Variants in SMYD3 observed in about 807,000 individuals in gnomAD.
SMYD3 encodes the protein histone-lysine N-methyltransferase SMYD3.
SMYD3 carries 36 observed loss-of-function variants against 57.7 expected under a neutral mutation model. That is an observed-to-expected ratio of 0.62 (90% CI 0.48 to 0.82). The LOEUF (loss-of-function observed/expected upper bound fraction) is 0.82, where lower values mean the gene tolerates loss of function less well. Among genes scored for constraint, SMYD3 ranks in the 40% least tolerant of loss-of-function variants. SMYD3 has a pLI of 0.00. For synonymous variants in SMYD3, 211 were observed against 195.0 expected, an observed-to-expected ratio of 1.08 and a Z score of -0.68; for missense variants, 515 against 538.8, an observed-to-expected ratio of 0.96 and a Z score of 0.44.
intron 3 of SMYD3, among the ~76,000 whole-genome samples, chr1:246,331,054 G>T (rs532835983): frequency 6.6e-6 from 1 of 152,300 alleles, no homozygotes; most frequent in East Asian, 1.9e-4. Context: ...AGAATCACTT[G>T]AGCCCAGCAG....
chr1:246,372,550 T>C (rs1052401393), intron 1 of SMYD3, among the ~76,000 whole-genome samples: 6 of 152,306 alleles, frequency 3.9e-5, no homozygotes, highest in African/African-American at 9.6e-5. Flanking sequence ...AGATTTTGCA[T>C]AGAGTAGGTA....
At chr1:246,300,411 T>C (rs1392310335) in intron 5 of SMYD3, among the ~76,000 whole-genome samples, 4 of 152,180 alleles carry the variant, frequency 2.6e-5, no homozygotes, top group African/African-American at 9.6e-5. Flanking sequence ...AGTCTGCTGT[T>C]GTTATTACCA....
At chr1:246,141,588 T>C (rs2061756372) in intron 5 of SMYD3, among the ~76,000 whole-genome samples, 1 of 152,176 alleles carries the variant, frequency 6.6e-6, no homozygotes, top group Non-Finnish European at 1.5e-5. Flanking sequence ...ACATGTACAG[T>C]GTGCTAGAAA....
intron 1 of SMYD3, among the ~76,000 whole-genome samples, chr1:246,466,835 G>A (rs1415440056): frequency 6.6e-6 from 1 of 151,878 alleles, no homozygotes; most frequent in African/African-American, 2.4e-5. Context: ...GCAACAGAGT[G>A]AGGCCCTGTC....
intron 8 of SMYD3, among the ~76,000 whole-genome samples, chr1:245,871,874 CTTTG>C (rs2052213091): frequency 6.6e-6 from 1 of 152,162 alleles, no homozygotes; most frequent in South Asian, 2.1e-4. Context: ...CTAGAGTCAG[CTTTG>C]TTTGGTGGGA....
At chr1:246,505,396 G>A (rs1052486797) in intron 1 of SMYD3, among the ~76,000 whole-genome samples, 1 of 150,932 alleles carries the variant, frequency 6.6e-6, no homozygotes, top group Non-Finnish European at 1.5e-5. Flanking sequence ...ATGGTTGAGA[G>A]AATCACTCTC....
At position 246,423,920 on chromosome 1, in the gene SMYD3, A is replaced by G. The variant is rs113335222; in HGVS notation, c.165-68826T>C. 7.7e-3 allele frequency among the ~76,000 whole-genome samples: 1,171 copies of G among 152,300 alleles called. 13 individuals are homozygous for G. The highest frequency in any genetic ancestry group is 0.025 in the African/African-American group (1,023 of 41,574). ...AATGGAACATCTTTAAAGTGATGAA[A>G]GACAGAACAAAAAGTCAAGCCAGAA... On this transcript the variant is annotated intron_variant, in intron 1 of 11. Transcript: ENST00000490107.
chr1:246,428,381 A>G (rs2067250645), intron 1 of SMYD3, among the ~76,000 whole-genome samples: 1 of 152,220 alleles, frequency 6.6e-6, no homozygotes, highest in African/African-American at 2.4e-5. Flanking sequence ...ACAGATTTGC[A>G]TTAAAAAGAA....
At chr1:246,191,141 G>A (rs926721128) in intron 5 of SMYD3, among the ~76,000 whole-genome samples, 22 of 152,180 alleles carry the variant, frequency 1.4e-4, no homozygotes, top group African/African-American at 5.1e-4. Context: ...TCAATGTTTT[G>A]GTACCAATTA....
chr1:245,905,693 G>A (rs1056136886), intron 8 of SMYD3, among the ~76,000 whole-genome samples: 1 of 152,198 alleles, frequency 6.6e-6, no homozygotes, highest in Non-Finnish European at 1.5e-5. Flanking sequence ...CCTGCTGATT[G>A]TAGAGCCCCA....
chr1:246,324,754 C>T (rs1166022949), intron 5 of SMYD3, among the ~76,000 whole-genome samples: 2 of 151,424 alleles, frequency 1.3e-5, no homozygotes, highest in African/African-American at 4.8e-5. Context: ...TTATGGTGCC[C>T]GTTTCTTCTC....
chr1:245,765,496 C>G (rs544359211), intron 10 of SMYD3, among the ~76,000 whole-genome samples: 1 of 152,200 alleles, frequency 6.6e-6, no homozygotes, highest in African/African-American at 2.4e-5. Context: ...TGATTTAGCG[C>G]CCAAATAAGG....
chr1:245,949,803 T>C (rs968337976), intron 5 of SMYD3, among the ~76,000 whole-genome samples: 2 of 151,162 alleles, frequency 1.3e-5, no homozygotes, highest in Non-Finnish European at 2.9e-5. Context: ...AGTGAGACCC[T>C]GTCTCCAAAA....
chr1:245,818,143 G>C (rs2048956537), intron 10 of SMYD3, among the ~76,000 whole-genome samples: 1 of 152,178 alleles, frequency 6.6e-6, no homozygotes. Flanking sequence ...AGGGCAGCCA[G>C]AGAGAAAGAT....
At chr1:246,248,988 T>C (rs1045096893) in intron 5 of SMYD3, among the ~76,000 whole-genome samples, 1 of 150,522 alleles carries the variant, frequency 6.6e-6, no homozygotes, top group Non-Finnish European at 1.5e-5. Flanking sequence ...ATTCACAGTA[T>C]TTCTCTGAGG....
At chr1:245,964,836 A>C (rs2058100569) in intron 5 of SMYD3, among the ~76,000 whole-genome samples, 1 of 152,110 alleles carries the variant, frequency 6.6e-6, no homozygotes, top group Non-Finnish European at 1.5e-5. Context: ...TAGGACAACT[A>C]TGAAAGATGT....
intron 1 of SMYD3, among the ~76,000 whole-genome samples, chr1:246,403,473 A>G (rs1199132694): frequency 6.6e-6 from 1 of 152,202 alleles, no homozygotes; most frequent in Non-Finnish European, 1.5e-5. Context: ...CAAGAAAAAT[A>G]TATCCCAGTT....
intron 5 of SMYD3, among the ~76,000 whole-genome samples, chr1:246,257,585 G>C (rs965837981): frequency 6.6e-6 from 1 of 152,148 alleles, no homozygotes; most frequent in African/African-American, 2.4e-5. Flanking sequence ...TTGCTACTCT[G>C]TGCCCTTTAA....
At chr1:246,298,778 G>C (rs2064840662) in intron 5 of SMYD3, among the ~76,000 whole-genome samples, 1 of 152,046 alleles carries the variant, frequency 6.6e-6, no homozygotes, top group African/African-American at 2.4e-5. Flanking sequence ...GCCTAGAACT[G>C]TCATGGCCTT....
Sources: allele counts gnomAD v4.1 joint callset (sites outside exome capture counted in the v4.1 genomes callset), GRCh38; gene constraint gnomAD v4.1.1; transcripts MANE v1.5; gene names NCBI Gene and HGNC (gene_info 2026-07-23, HGNC 2026-07-21).